The following CWC27 variants were observed in gnomAD, a reference collection of about 807,000 sequenced individuals.
CWC27 encodes the protein CWC27 spliceosome associated cyclophilin.
In CWC27, 47 loss-of-function variants were observed where a neutral mutation model predicts 63.6. The observed-to-expected ratio is 0.74, with a 90% CI of 0.58 to 0.94. The LOEUF (loss-of-function observed/expected upper bound fraction) is 0.94. CWC27 is among the 40% of genes least tolerant of loss of function. CWC27 has a pLI of 0.00. For synonymous variants in CWC27, 175 were observed against 179.8 expected, an observed-to-expected ratio of 0.97 and a Z score of 0.22; for missense variants, 495 against 554.3, an observed-to-expected ratio of 0.89 and a Z score of 1.07.
At chr5:64,858,303 CAAA>C (rs1199794380) in intron 10 of CWC27, among the ~76,000 whole-genome samples, 23 of 144,580 alleles carry the variant, frequency 1.6e-4, no homozygotes, top group Non-Finnish European at 2.7e-4. Context: ...ACTAAAAATA[CAAA>C]AAAAAATTAG....
intron 10 of CWC27, among the ~76,000 whole-genome samples, chr5:64,862,498 A>G (rs560504780): frequency 1.3e-5 from 2 of 152,302 alleles, no homozygotes; most frequent in South Asian, 4.1e-4. Flanking sequence ...ATGTTTTACC[A>G]CTAAAAATAT....
intron 13 of CWC27, among the ~76,000 whole-genome samples, chr5:64,980,308 A>G (rs190004202): frequency 2.0e-5 from 3 of 152,280 alleles, no homozygotes; most frequent in East Asian, 3.9e-4. Flanking sequence ...GGATTTTATG[A>G]AACCGATTAG....
intron 11 of CWC27, among the ~76,000 whole-genome samples, chr5:64,912,470 G>A (rs889295433): frequency 6.6e-6 from 1 of 151,882 alleles, no homozygotes; most frequent in African/African-American, 2.4e-5. Context: ...GACCTTTTAA[G>A]AAATTTTTTT....
chr5:64,857,791 T>C (rs1204458400), intron 10 of CWC27, among the ~76,000 whole-genome samples: 1 of 152,196 alleles, frequency 6.6e-6, no homozygotes, highest in Non-Finnish European at 1.5e-5. Context: ...TTTAAGGGAA[T>C]AGCAGGAACT....
At chr5:64,909,411 T>C (rs1747736886) in intron 11 of CWC27, among the ~76,000 whole-genome samples, 1 of 152,158 alleles carries the variant, frequency 6.6e-6, no homozygotes, top group African/African-American at 2.4e-5. Context: ...CGATTATGTG[T>C]CTTGGGGTTG....
intron 11 of CWC27, among the ~76,000 whole-genome samples, chr5:64,905,870 G>A (rs945693947): frequency 2.6e-5 from 4 of 151,960 alleles, no homozygotes; most frequent in Admixed American, 6.6e-5. Context: ...GATGTTCCCC[G>A]CCCTGTGTCC....
intron 10 of CWC27, among the ~76,000 whole-genome samples, chr5:64,805,197 A>G (rs1199169538): frequency 6.6e-6 from 1 of 151,648 alleles, no homozygotes; most frequent in East Asian, 1.9e-4. Flanking sequence ...AGCTCCCTCA[A>G]TTTTTTCTTT....
intron 8 of CWC27, 69 bp from the exon 9 acceptor site, chr5:64,801,233 T>C: frequency 1.5e-6 from 2 of 1,294,532 alleles, no homozygotes; most frequent in Admixed American, 2.7e-5. Flanking sequence ...TTCTAGATTT[T>C]TGGGTTACAA....
At chr5:64,779,848 T>C (rs975462728) in intron 2 of CWC27, among the ~76,000 whole-genome samples, 4 of 152,274 alleles carry the variant, frequency 2.6e-5, no homozygotes, top group Non-Finnish European at 4.4e-5. Context: ...TCTCATGAGA[T>C]CTGATGGTTT....
intron 7 of CWC27, 136 bp downstream of exon 7, chr5:64,789,156 G>C (rs974684200): frequency 6.4e-6 from 3 of 470,612 alleles, no homozygotes; most frequent in Non-Finnish European, 1.1e-5. Context: ...CATTGAATTT[G>C]TAAATTGATT....
At chr5:64,772,352 G>T (rs974325402) in intron 1 of CWC27, among the ~76,000 whole-genome samples, 4 of 152,022 alleles carry the variant, frequency 2.6e-5, no homozygotes, top group African/African-American at 9.7e-5. Flanking sequence ...ATGACTGGGT[G>T]CAGTGGCTCA....
intron 10 of CWC27, among the ~76,000 whole-genome samples, chr5:64,882,600 T>A (rs1001822269): frequency 6.6e-6 from 1 of 152,170 alleles, no homozygotes; most frequent in Non-Finnish European, 1.5e-5. Context: ...TTGTTGTTGT[T>A]GTTGTTGTTT....
intron 10 of CWC27, among the ~76,000 whole-genome samples, chr5:64,856,126 G>A (rs925453155): frequency 5.9e-5 from 9 of 151,974 alleles, no homozygotes; most frequent in African/African-American, 2.2e-4. Context: ...ATATTTTAAA[G>A]CAGATAACTC....
chr5:64,811,911 T>G (rs1273754064), intron 10 of CWC27, among the ~76,000 whole-genome samples: 1 of 152,044 alleles, frequency 6.6e-6, no homozygotes, highest in Non-Finnish European at 1.5e-5. Context: ...CTAAATTAGC[T>G]GTTAGTGTTT....
At chr5:64,921,697 T>C (rs1748001885) in intron 11 of CWC27, among the ~76,000 whole-genome samples, 2 of 152,186 alleles carry the variant, frequency 1.3e-5, no homozygotes, top group Admixed American at 6.5e-5. Context: ...GATCCTCTCA[T>C]CATGTTGTTA....
intron 10 of CWC27, among the ~76,000 whole-genome samples, chr5:64,829,721 G>A (rs1392572767): frequency 7.0e-6 from 1 of 143,396 alleles, no homozygotes; most frequent in South Asian, 2.2e-4. Flanking sequence ...GTATACACGT[G>A]TCATGGTGGT....
intron 10 of CWC27, among the ~76,000 whole-genome samples, chr5:64,867,571 C>G (rs1449517050): frequency 6.6e-6 from 1 of 151,984 alleles, no homozygotes; most frequent in Non-Finnish European, 1.5e-5. Flanking sequence ...TAGAGTAAGT[C>G]AGAGGTCCTG....
intron 2 of CWC27, among the ~76,000 whole-genome samples, chr5:64,778,392 A>G (rs1031525388): frequency 1.3e-5 from 2 of 152,096 alleles, no homozygotes; most frequent in African/African-American, 4.8e-5. Flanking sequence ...TGACATTTTG[A>G]AAATGCAAAT....
At chr5:64,895,214 A>C (rs1230937312) in intron 11 of CWC27, among the ~76,000 whole-genome samples, 1 of 152,140 alleles carries the variant, frequency 6.6e-6, no homozygotes, top group East Asian at 1.9e-4. Flanking sequence ...ACCCTATACA[A>C]TGTAACAGTC....
Sources: allele counts gnomAD v4.1 joint callset (sites outside exome capture counted in the v4.1 genomes callset), GRCh38; gene constraint gnomAD v4.1.1; transcripts MANE v1.5; gene names NCBI Gene and HGNC (gene_info 2026-07-23, HGNC 2026-07-21).